The following CTNNA3 variants were observed in gnomAD, a reference collection of about 807,000 sequenced individuals.
CTNNA3 encodes the protein catenin alpha 3.
In CTNNA3, 76 loss-of-function variants were observed where a neutral mutation model predicts 95.7. The observed-to-expected ratio is 0.79, with a 90% CI of 0.66 to 0.96. CTNNA3 has a LOEUF of 0.96. CTNNA3 is among the 40% of genes least tolerant of loss of function. CTNNA3 has a pLI of 0.00. For synonymous variants in CTNNA3, 431 were observed against 374.4 expected (o/e 1.15, Z -1.74); for missense variants, 1,191 against 1,089.8 (o/e 1.09, Z -1.31).
chr10:66,633,021 G>T (rs1303400468), intron 9 of CTNNA3, among the ~76,000 whole-genome samples: 4 of 152,110 alleles, frequency 2.6e-5, no homozygotes, highest in African/African-American at 9.7e-5. Context: ...TCAGAAATAT[G>T]TAAAAAGTTT....
At chr10:66,423,574 C>A (rs189775013) in intron 11 of CTNNA3, among the ~76,000 whole-genome samples, 2 of 152,106 alleles carry the variant, frequency 1.3e-5, no homozygotes, top group Admixed American at 1.3e-4. Context: ...AAATCCCTCC[C>A]AAACCAGAGA....
At chr10:67,750,953 A>T in intron 1 of CTNNA3, 3 of 1,605,588 alleles carry the variant, frequency 1.9e-6, no homozygotes, top group Non-Finnish European at 2.6e-6. Context: ...GCCAAGCCAG[A>T]GGACCCTTCC....
At chr10:66,671,042 G>C (rs1027802324) in intron 9 of CTNNA3, among the ~76,000 whole-genome samples, 1 of 152,176 alleles carries the variant, frequency 6.6e-6, no homozygotes, top group Admixed American at 6.5e-5. Context: ...CTTGGGAGAA[G>C]CTGTTTAAAC....
rs529760147 is a variant in CTNNA3, at chr10:67,153,122, C to A, written c.1047+27195G>T. 7.8e-3 allele frequency among the ~76,000 whole-genome samples: 1,179 copies of A among 152,094 alleles called. 10 individuals are homozygous for A. The highest frequency in any genetic ancestry group is 0.014 in the South Asian group (68 of 4,816). On this transcript the variant is annotated intron_variant, in intron 7 of 17. Coordinates refer to ENST00000433211, the MANE Select transcript of CTNNA3 (RefSeq NM_013266.4). Reference sequence around the variant, plus strand: ...TCCCGAGTAGCTGGGATTACAGGTGCCCACCACCACACCCAGCTAATTTTT... The same window carrying A: ...TCCCGAGTAGCTGGGATTACAGGTGACCACCACCACACCCAGCTAATTTTT...
At chr10:67,364,062 T>C (rs887494774) in intron 5 of CTNNA3, among the ~76,000 whole-genome samples, 8 of 152,202 alleles carry the variant, frequency 5.3e-5, no homozygotes, top group Non-Finnish European at 1.2e-4. Context: ...TGAACATCAA[T>C]GCAAAAGTCC....
intron 3 of CTNNA3, among the ~76,000 whole-genome samples, chr10:67,549,500 C>T (rs894340699): frequency 2.0e-5 from 3 of 152,112 alleles, no homozygotes; most frequent in African/African-American, 7.2e-5. Flanking sequence ...CTTTAATTGT[C>T]CTTTCTTTTT....
At chr10:65,985,009 T>G (rs1405836754) in intron 16 of CTNNA3, among the ~76,000 whole-genome samples, 1 of 150,742 alleles carries the variant, frequency 6.6e-6, no homozygotes, top group Non-Finnish European at 1.5e-5. Context: ...TTAATAAAAT[T>G]TTATAATAAT....
intron 14 of CTNNA3, among the ~76,000 whole-genome samples, chr10:66,093,275 C>T (rs1000805822): frequency 3.9e-5 from 6 of 151,992 alleles, no homozygotes; most frequent in Non-Finnish European, 7.4e-5. Context: ...GATCAAACTG[C>T]TCAAGTACAC....
intron 13 of CTNNA3, among the ~76,000 whole-genome samples, chr10:66,172,213 T>A (rs184862356): frequency 1.7e-4 from 26 of 152,268 alleles, no homozygotes; most frequent in Admixed American, 1.4e-3. Flanking sequence ...CACTATTTTT[T>A]AAACCATAAT....
At chr10:66,909,617 A>C (rs2132553632) in intron 7 of CTNNA3, among the ~76,000 whole-genome samples, 1 of 152,358 alleles carries the variant, frequency 6.6e-6, no homozygotes, top group African/African-American at 2.4e-5. Context: ...GATTGGAAGC[A>C]AATAAGAGAG....
chr10:67,477,435 C>G, intron 5 of CTNNA3, among the ~76,000 whole-genome samples: 1 of 152,112 alleles, frequency 6.6e-6, no homozygotes, highest in East Asian at 1.9e-4. Flanking sequence ...GAGCTTCTCC[C>G]AGTAAACAAT....
At chr10:66,320,269 T>A (rs2092162925) in intron 12 of CTNNA3, among the ~76,000 whole-genome samples, 2 of 152,090 alleles carry the variant, frequency 1.3e-5, no homozygotes. Flanking sequence ...CTAGTTGTGA[T>A]CTTTGGCTTT....
rs138850107 is a variant in CTNNA3, at chr10:67,512,503, C to T, written c.579+9339G>A. On this transcript the variant is annotated intron_variant, in intron 5 of 17. Coordinates refer to ENST00000433211, the MANE Select transcript of CTNNA3 (RefSeq NM_013266.4). ...AAACAACCTAAGTGCCTAGGATATA[C>T]TTTAAAGGTTTAGACGACACGGGAT... Among the ~76,000 whole-genome samples the T allele has an allele frequency of 5.1e-3, 772 of 152,216 alleles. 10 individuals are homozygous for T. The highest frequency in any genetic ancestry group is 0.018 in the African/African-American group (735 of 41,526).
At chr10:67,285,199 TA>T (rs1156493728) in intron 5 of CTNNA3, among the ~76,000 whole-genome samples, 2 of 152,228 alleles carry the variant, frequency 1.3e-5, no homozygotes, top group African/African-American at 4.8e-5. Context: ...TAATGTCTTT[TA>T]AACATTAGAA....
intron 10 of CTNNA3, among the ~76,000 whole-genome samples, chr10:66,588,791 TA>T (rs1843448741): frequency 6.6e-6 from 1 of 152,088 alleles, no homozygotes; most frequent in Non-Finnish European, 1.5e-5. Flanking sequence ...TTGGGTAATC[TA>T]AGGTACAAAG....
intron 7 of CTNNA3, among the ~76,000 whole-genome samples, chr10:67,174,969 T>C (rs539815174): frequency 6.6e-6 from 1 of 150,556 alleles, no homozygotes; most frequent in South Asian, 2.1e-4. Context: ...AAAAATCAGT[T>C]ACCACTACAT....
At chr10:67,752,656 A>G (rs939340729) in intron 1 of CTNNA3, among the ~76,000 whole-genome samples, 2 of 152,192 alleles carry the variant, frequency 1.3e-5, no homozygotes, top group African/African-American at 2.4e-5. Flanking sequence ...ATGTGCAAAA[A>G]TCACAAGCAT....
At chr10:66,615,754 C>T (rs943585304) in intron 10 of CTNNA3, among the ~76,000 whole-genome samples, 5 of 151,890 alleles carry the variant, frequency 3.3e-5, no homozygotes, top group Non-Finnish European at 5.9e-5. Flanking sequence ...TTTCATAGAT[C>T]CAGGTTTGAA....
At chr10:66,055,971 A>G (rs915787468) in intron 15 of CTNNA3, among the ~76,000 whole-genome samples, 2 of 150,928 alleles carry the variant, frequency 1.3e-5, no homozygotes. Flanking sequence ...TCTGCAAGCA[A>G]GGATAATTTG....
Sources: gnomAD v4.1 joint callset for allele counts (sites outside exome capture counted in the v4.1 genomes callset) on GRCh38, gnomAD v4.1.1 for gene constraint, MANE v1.5 for transcripts, NCBI Gene and HGNC (gene_info 2026-07-23, HGNC 2026-07-21) for gene names.